The following CACNA1D variants were observed in gnomAD, a reference collection of about 807,000 sequenced individuals.
The protein encoded by CACNA1D is voltage-dependent L-type calcium channel subunit alpha-1D.
CACNA1D carries 55 observed loss-of-function variants against 257.1 expected under a neutral mutation model. The ratio of observed to expected loss-of-function variants is 0.21; its 90% CI spans 0.17 to 0.27. The LOEUF (loss-of-function observed/expected upper bound fraction) is 0.27. CACNA1D is among the 10% of genes least tolerant of loss of function. CACNA1D has a pLI of 1.00. For missense variants in CACNA1D, 1,876 were observed against 2,784.0 expected (o/e 0.67, Z 7.34); for synonymous variants, 980 against 1,014.9 (o/e 0.97, Z 0.65).
intron 3 of CACNA1D, among the ~76,000 whole-genome samples, chr3:53,623,182 C>T (rs1391359946): frequency 6.6e-6 from 1 of 152,232 alleles, no homozygotes; most frequent in African/African-American, 2.4e-5. Flanking sequence ...GCCACCGCGC[C>T]CGGCCGAAAG....
intron 3 of CACNA1D, among the ~76,000 whole-genome samples, chr3:53,519,416 T>C (rs571478754): frequency 6.6e-6 from 1 of 152,190 alleles, no homozygotes; most frequent in African/African-American, 2.4e-5. Flanking sequence ...ATCCTTGCTG[T>C]GTGAAGCTGT....
intron 3 of CACNA1D, among the ~76,000 whole-genome samples, chr3:53,579,198 G>A (rs1217854909): frequency 6.6e-6 from 1 of 152,246 alleles, no homozygotes; most frequent in Non-Finnish European, 1.5e-5. Context: ...GTAAGCTAAA[G>A]CTGACATTGG....
intron 14 of CACNA1D, among the ~76,000 whole-genome samples, chr3:53,724,894 A>G (rs764672991): frequency 2.0e-5 from 3 of 152,106 alleles, no homozygotes; most frequent in Admixed American, 1.3e-4. Flanking sequence ...ATTTTCAGGT[A>G]TATATAATCT....
chr3:53,504,028 G>A (rs2090715240), intron 3 of CACNA1D, among the ~76,000 whole-genome samples: 1 of 150,218 alleles, frequency 6.7e-6, no homozygotes, highest in Non-Finnish European at 1.5e-5. Context: ...TGCCATGTTG[G>A]TCCTCCCATG....
At chr3:53,644,733 A>T (rs1464421275) in intron 3 of CACNA1D, among the ~76,000 whole-genome samples, 1 of 152,222 alleles carries the variant, frequency 6.6e-6, no homozygotes, top group Non-Finnish European at 1.5e-5. Context: ...ATGAACATGG[A>T]GGTTAATTCC....
At chr3:53,531,457 A>T (rs1387582889) in intron 3 of CACNA1D, among the ~76,000 whole-genome samples, 5 of 152,234 alleles carry the variant, frequency 3.3e-5, no homozygotes, top group Non-Finnish European at 4.4e-5. Flanking sequence ...AAACCACACA[A>T]TGGGAAGTGA....
rs2090394352 is a variant in CACNA1D at position 53,497,345 on chromosome 3, A to G, written c.261A>G (p.Gln87=). The part of the protein sequence containing the change: ...VGSLSQRKRQ[Q]YAKSKKQGNS... Reference sequence around the variant, plus strand: ...CTCTCTCCCAAAGAAAACGTCAGCAATACGCCAAGAGCAAAAAACAGGGTA... The same window carrying G: ...CTCTCTCCCAAAGAAAACGTCAGCAGTACGCCAAGAGCAAAAAACAGGGTA... The change falls in exon 2 of 48, where the codon CAA becomes CAG. Residue 87 remains glutamine (Q), a synonymous_variant. Transcript: ENST00000350061. The G allele has an allele frequency of 1.2e-6, 2 of 1,614,212 alleles. No individual in the cohort carries two copies. The highest frequency in any genetic ancestry group is 1.3e-5 in the African/African-American group (1 of 75,052).
chr3:53,699,593 A>T (rs1387485343), intron 8 of CACNA1D, among the ~76,000 whole-genome samples: 1 of 152,224 alleles, frequency 6.6e-6, no homozygotes, highest in Non-Finnish European at 1.5e-5. Flanking sequence ...TGGGTTTATC[A>T]CAGGGACTCT....
At chr3:53,623,723 C>A (rs180703021) in intron 3 of CACNA1D, among the ~76,000 whole-genome samples, 2 of 150,974 alleles carry the variant, frequency 1.3e-5, no homozygotes, top group African/African-American at 5.0e-5. Flanking sequence ...ATACTTCCAG[C>A]GTCTCTGACT....
At chr3:53,778,892 G>A (rs7615160) in intron 37 of CACNA1D, among the ~76,000 whole-genome samples, 1 of 152,226 alleles carries the variant, frequency 6.6e-6, no homozygotes, top group Non-Finnish European at 1.5e-5. Context: ...AGGTCTGAAG[G>A]ACATTCCCTG....
rs2095554915 is a variant in CACNA1D, at chr3:53,805,016, C to G, written c.5619C>G (p.Gly1873=). The G allele has an allele frequency of 1.2e-6, 2 of 1,614,000 alleles. No individual in the cohort carries two copies. Among genetic ancestry groups the G allele is most frequent in the South Asian group, 2.2e-5 (2 of 91,080 alleles). Residue 1873 remains glycine (G), a synonymous_variant, in exon 45 of 48, where the codon GGC becomes GGG. Transcript: ENST00000350061. Reference sequence around the variant, plus strand: ...ATGGCTACTACAGCAGATACCCAGGCAGAAACATCGACTCTGAGAGGCCCC... The same window carrying G: ...ATGGCTACTACAGCAGATACCCAGGGAGAAACATCGACTCTGAGAGGCCCC... The part of the protein sequence containing the change: ...QNYGYYSRYP[G]RNIDSERPRG...
chr3:53,662,948 G>A (rs1327772205), intron 5 of CACNA1D, among the ~76,000 whole-genome samples: 1 of 152,210 alleles, frequency 6.6e-6, no homozygotes, highest in Non-Finnish European at 1.5e-5. Context: ...CTGGCCATGG[G>A]GATTGGAACG....
At chr3:53,559,827 A>ACTG (rs1553726883) in intron 3 of CACNA1D, among the ~76,000 whole-genome samples, 1 of 152,146 alleles carries the variant, frequency 6.6e-6, no homozygotes, top group East Asian at 1.9e-4. Flanking sequence ...ACTTTACGTG[A>ACTG]CTGTGTCCAA....
chr3:53,735,413 C>A lies in CACNA1D; in HGVS notation c.2661C>A (p.Ile887=). 1 of 1,614,066 alleles carries A rather than the reference C, an allele frequency of 6.2e-7. No individual in the cohort carries two copies. The highest frequency in any genetic ancestry group is 8.5e-7 in the Non-Finnish European group (1 of 1,179,882). Residue 887 remains isoleucine (I), a synonymous_variant, in exon 20 of 48, where the codon ATC becomes ATA. Transcript: ENST00000350061. ...VGCHKLINHH[I]FTNLILVFIM... is the part of the protein sequence containing the mutation. ...GCCACAAGCTCATCAACCACCACAT[C>A]TTCACCAACCTCATCCTTGTCTTCA... is the stretch of plus-strand genomic sequence containing the variant.
chr3:53,660,321 C>A, intron 5 of CACNA1D, 46 bp downstream of exon 5: 1 of 1,602,518 alleles, frequency 6.2e-7, no homozygotes, highest in Non-Finnish European at 8.5e-7. Context: ...CTGGTTTTTT[C>A]TTCCAGGTGG....
intron 3 of CACNA1D, among the ~76,000 whole-genome samples, chr3:53,601,928 C>A (rs1295977820): frequency 6.6e-6 from 1 of 152,108 alleles, no homozygotes; most frequent in African/African-American, 2.4e-5. Flanking sequence ...CCAGGCTGGT[C>A]TTGAACTCCT....
Position 53,723,418 on chromosome 3 carries a change from C to A in CACNA1D, c.1667-16C>A. ...TGCAGGAGACCCTGAGGATGGGTGCCCCTTTGTCTTTCCAGATATTGCCAA... is the reference window on the plus strand; with the variant it reads ...TGCAGGAGACCCTGAGGATGGGTGCACCTTTGTCTTTCCAGATATTGCCAA... On this transcript the variant is annotated splice_polypyrimidine_tract_variant and intron_variant, in intron 12 of 47. Transcript: ENST00000350061. This position sits in a 1 kb window ranked among gnomAD's most constrained non-coding sequence, Gnocchi z 5.6. 1 of 1,601,492 alleles carries A rather than the reference C, an allele frequency of 6.2e-7. No homozygotes were observed. Among genetic ancestry groups the A allele is most frequent in the Non-Finnish European group, 8.6e-7 (1 of 1,168,474 alleles).
rs568344876 is a variant in CACNA1D, at chr3:53,618,690, T to C, written c.484-32089T>C. On this transcript the variant is annotated intron_variant, in intron 3 of 47. Transcript: ENST00000350061. ...CGGTCCTGCTCAGATGTTGTGCTCC[T>C]TAAGGAATCTCTGCTCGTTGGTCAG... 7.2e-5 allele frequency among the ~76,000 whole-genome samples: 11 copies of C among 152,354 alleles called. No individual in the cohort carries two copies. In the South Asian group the frequency reaches 2.3e-3, roughly 32 times the overall value.
rs1461635993 is a variant in CACNA1D at position 53,812,259 on chromosome 3, C to T, written c.*853C>T. 6.6e-6 allele frequency: 1 copy of T among 152,098 alleles called. No homozygotes were observed. Among genetic ancestry groups the T allele is most frequent in the Non-Finnish European group, 1.5e-5 (1 of 68,038 alleles). The allele number at this position is 152,098 out of a possible 1,614,324, so 9.4% of individuals were successfully genotyped here. On this transcript the variant is annotated 3_prime_UTR_variant, in exon 48 of 48. Transcript: ENST00000350061. ...TTGAACTGCAGCAATATCCATGGGT[C>T]CTAATAATTGTAGTTCCCCACTAAA... is the stretch of plus-strand genomic sequence containing the variant.
Sources: gnomAD v4.1 joint callset for allele counts (sites outside exome capture counted in the v4.1 genomes callset) on GRCh38, gnomAD v4.1.1 for gene constraint, Gnocchi (gnomAD v3.1) non-coding constraint, MANE v1.5 for transcripts, NCBI Gene and HGNC (gene_info 2026-07-23, HGNC 2026-07-21) for gene names.